Variants in AFF4 observed in about 807,000 individuals in gnomAD.
The protein encoded by AFF4 is AF4/FMR2 family member 4.
AFF4 carries 13 observed loss-of-function variants against 124.8 expected under a neutral mutation model. The ratio of observed to expected loss-of-function variants is 0.10; its 90% confidence interval spans 0.07 to 0.17. The LOEUF is 0.17. Among genes scored for constraint, AFF4 ranks in the 10% least tolerant of loss-of-function variants. AFF4 has a pLI of 1.00. For missense variants in AFF4, 1,092 were observed against 1,403.8 expected, an observed-to-expected ratio of 0.78 and a Z score of 3.55; for synonymous variants, 477 against 496.1, an observed-to-expected ratio of 0.96 and a Z score of 0.51.
At chr5:132,895,438 T>C (rs1007204603) in intron 11 of AFF4, among the ~76,000 whole-genome samples, 2 of 152,200 alleles carry the variant, frequency 1.3e-5, no homozygotes, top group Non-Finnish European at 2.9e-5. Flanking sequence ...TATATGTGAT[T>C]CTCAGGTCAA....
intron 1 of AFF4, among the ~76,000 whole-genome samples, chr5:132,954,411 G>GA (rs2150112455): frequency 6.6e-6 from 1 of 152,312 alleles, no homozygotes; most frequent in East Asian, 1.9e-4. Flanking sequence ...GTGGGAGGGG[G>GA]AGCACACAGG....
chr5:132,884,519 C>T (rs1220114722), intron 19 of AFF4, among the ~76,000 whole-genome samples: 2 of 152,166 alleles, frequency 1.3e-5, no homozygotes, highest in Admixed American at 6.5e-5. Context: ...GGATTACAGG[C>T]GTGAGCTACC....
At chr5:132,884,256 T>G (rs1760058441) in intron 19 of AFF4, among the ~76,000 whole-genome samples, 1 of 152,198 alleles carries the variant, frequency 6.6e-6, no homozygotes, top group African/African-American at 2.4e-5. Context: ...ATACATATTT[T>G]GGAGACACTC....
intron 1 of AFF4, among the ~76,000 whole-genome samples, chr5:132,949,402 C>A (rs926768396): frequency 1.3e-5 from 2 of 152,102 alleles, no homozygotes; most frequent in African/African-American, 4.8e-5. Flanking sequence ...ATGGGCCAGG[C>A]CCAGTGGCTC....
intron 13 of AFF4, chr5:132,891,741 C>A: frequency 4.7e-6 from 1 of 211,774 alleles, no homozygotes; most frequent in Non-Finnish European, 9.4e-6. Flanking sequence ...GCAACTAGAA[C>A]CACTTAGTTC....
intron 1 of AFF4, 140 bp from the exon 2 acceptor site, chr5:132,937,333 G>T: frequency 9.5e-7 from 1 of 1,053,702 alleles, no homozygotes; most frequent in Non-Finnish European, 1.3e-6. Flanking sequence ...TGCTGAAGCT[G>T]GGTTTTGGTA....
At chr5:132,907,244 TCCCTTCTACAGCCTGTAGAAGTTTA>T (rs900378778) in intron 5 of AFF4, among the ~76,000 whole-genome samples, 26 of 152,230 alleles carry the variant, frequency 1.7e-4, no homozygotes, top group South Asian at 1.2e-3. Flanking sequence ...AGCTATAGCC[TCCCTTCTACAGCCTGTAGAAGTTTA>T]CCCTTCTACA....
Position 132,934,622 on chromosome 5 carries a change from C to A in AFF4, c.443G>T (p.Gly148Val), listed in dbSNP as rs753078413. 5 of 1,614,022 alleles carry A rather than the reference C, an allele frequency of 3.1e-6. No homozygotes were observed. In the African/African-American group the frequency reaches 6.7e-5, roughly 22 times the overall value. The change falls in exon 3 of 21, where the codon GGT becomes GTT. Residue 148 changes from glycine (G) to valine (V), a missense_variant. This residue lies in a region of AFF4 where 188 missense variants were observed against 203.0 expected (regional missense o/e 0.93). Transcript: ENST00000265343. Reference protein sequence around the residue: ...AGSSSGTNSSGQRHDRESYNN... With the variant: ...AGSSSGTNSSVQRHDRESYNN... ...ATATGACTCACGGTCGTGCCTCTGA[C>A]CACTACTGTTAGTGCCACTACTGCT...
chr5:132,881,829 T>G (rs1759986792), intron 20 of AFF4, among the ~76,000 whole-genome samples: 1 of 114,928 alleles, frequency 8.7e-6, no homozygotes, highest in African/African-American at 2.7e-5. Flanking sequence ...ACAAAAAAGT[T>G]TTTTTTTTTT....
chr5:132,917,714 T>TTC (rs1581302183), intron 5 of AFF4, among the ~76,000 whole-genome samples: 3 of 134,962 alleles, frequency 2.2e-5, no homozygotes, highest in Non-Finnish European at 4.8e-5. Flanking sequence ...TCTTTTTTTT[T>TTC]TTTTTTTTTT....
intron 1 of AFF4, among the ~76,000 whole-genome samples, chr5:132,958,808 G>C (rs542183002): frequency 1.7e-3 from 256 of 152,160 alleles, no homozygotes; most frequent in African/African-American, 5.7e-3. Flanking sequence ...ACAAAATCCT[G>C]GGAGAGCTAT....
At chr5:132,959,757 C>CTTT (rs1163731664) in intron 1 of AFF4, among the ~76,000 whole-genome samples, 2,526 of 71,506 alleles carry the variant, frequency 0.035, 280 homozygotes, top group East Asian at 0.11. Context: ...GAGTGCTTTT[C>CTTT]TTTTTTTTTT....
Position 132,887,935 on chromosome 5 carries a change from A to G in AFF4, c.2844T>C (p.Ser948=). 1 of 1,613,846 alleles carries G rather than the reference A, an allele frequency of 6.2e-7. No individual in the cohort carries two copies. The highest frequency in any genetic ancestry group is 8.5e-7 in the Non-Finnish European group (1 of 1,179,956). Residue 948 remains serine, a synonymous_variant, in exon 16 of 21, where the codon TCT becomes TCC. Coordinates refer to ENST00000265343, the MANE Select transcript of AFF4 (RefSeq NM_014423.4). Reference sequence around the variant, plus strand: ...CTAATGCATTCCCACATTCAATGAAAGATACCACAGCATCAAGATAGTATA... The same window carrying G: ...CTAATGCATTCCCACATTCAATGAAGGATACCACAGCATCAAGATAGTATA... ...KAVYYLDAVV[S]FIECGNALEK...
At position 132,878,338 on chromosome 5, in the gene AFF4, G is replaced by A. The variant is rs769970194; in HGVS notation, c.*2721C>T. The A allele has an allele frequency of 4.3e-5, 10 of 230,476 alleles. No individual in the cohort carries two copies. Among genetic ancestry groups the A allele is most frequent in the Non-Finnish European group, 6.9e-5 (8 of 116,282 alleles). The allele number at this position is 230,476 out of a possible 1,614,324, so 14.3% of individuals were successfully genotyped here. A position where few individuals can be genotyped will look rare whatever the true frequency, so the allele number is the denominator to read the frequency against. On this transcript the variant is annotated 3_prime_UTR_variant, in exon 21 of 21. Transcript: ENST00000265343. ...CATACAAGTGTAGTCATAAAGAGCA[G>A]TCAACAGAGTAACTGTTTAAAATAG... is the stretch of plus-strand genomic sequence containing the variant.
At chr5:132,911,589 T>C (rs1760791586) in intron 5 of AFF4, among the ~76,000 whole-genome samples, 1 of 150,228 alleles carries the variant, frequency 6.7e-6, no homozygotes, top group Admixed American at 6.6e-5. Context: ...GAACAGAACA[T>C]CAGTGAACTC....
At chr5:132,913,946 G>C (rs1307062571) in intron 5 of AFF4, among the ~76,000 whole-genome samples, 1 of 152,124 alleles carries the variant, frequency 6.6e-6, no homozygotes, top group Non-Finnish European at 1.5e-5. Flanking sequence ...CAAGAAATTA[G>C]GCCAGACACG....
At chr5:132,963,229 GC>G (rs1210399391) in intron 1 of AFF4, 29 bp downstream of exon 1, 1 of 390,352 alleles carries the variant, frequency 2.6e-6, no homozygotes, top group Non-Finnish European at 4.5e-6. Flanking sequence ...GCCCGGCCCG[GC>G]CCTGGGTCAG....
chr5:132,932,077 T>C, intron 4 of AFF4, 101 bp downstream of exon 4: 1 of 695,908 alleles, frequency 1.4e-6, no homozygotes, highest in Non-Finnish European at 2.3e-6. Flanking sequence ...AAGCAATCTG[T>C]TGCTTCAGAT....
chr5:132,924,882 T>C (rs958201544), intron 5 of AFF4, among the ~76,000 whole-genome samples: 1 of 151,600 alleles, frequency 6.6e-6, no homozygotes, highest in African/African-American at 2.4e-5. Context: ...GCACATTAAA[T>C]AACAGTGCAT....
Sources: allele counts gnomAD v4.1 joint callset (sites outside exome capture counted in the v4.1 genomes callset), GRCh38; gene constraint gnomAD v4.1.1; regional missense constraint gnomAD v4.1.1; transcripts MANE v1.5; gene names NCBI Gene and HGNC (gene_info 2026-07-23, HGNC 2026-07-21).